MGAM2: variants seen among roughly 807,000 people sequenced by gnomAD.
The protein encoded by MGAM2 is maltase-glucoamylase 2 (putative).
A neutral mutation model predicts 96.1 loss-of-function variants in MGAM2; 98 were observed. The ratio of observed to expected loss-of-function variants is 1.02; its 90% confidence interval spans 0.87 to 1.21. The LOEUF is 1.21. Among genes scored for constraint, MGAM2 ranks in the 50% most tolerant of loss-of-function variants. The pLI, the probability that MGAM2 is intolerant of heterozygous loss-of-function variation, is 0.00. For missense variants in MGAM2, 2,055 were observed against 1,182.4 expected (o/e 1.74, Z -10.82); for synonymous variants, 749 against 414.8 (o/e 1.81, Z -9.79).
At chr7:142,136,243 A>G (rs1283758302) in intron 7 of MGAM2, among the ~76,000 whole-genome samples, 1 of 152,090 alleles carries the variant, frequency 6.6e-6, no homozygotes, top group Non-Finnish European at 1.5e-5. Flanking sequence ...ATCATACAAT[A>G]TATGGTTGTT....
chr7:142,132,595 T>A (rs1794926345), intron 6 of MGAM2, among the ~76,000 whole-genome samples: 1 of 129,144 alleles, frequency 7.7e-6, no homozygotes, highest in Admixed American at 8.1e-5. Flanking sequence ...AACTATATAA[T>A]TTATATATTT....
intron 26 of MGAM2, among the ~76,000 whole-genome samples, chr7:142,167,699 A>G (rs1796070479): frequency 6.6e-6 from 1 of 152,074 alleles, no homozygotes; most frequent in African/African-American, 2.4e-5. Context: ...CAGCCTCCCA[A>G]GTAGCCAGGA....
intron 2 of MGAM2, among the ~76,000 whole-genome samples, chr7:142,119,752 A>G (rs922823839): frequency 2.0e-5 from 3 of 152,246 alleles, no homozygotes; most frequent in Non-Finnish European, 2.9e-5. Flanking sequence ...ACATACTACA[A>G]CATGGATTAA....
chr7:142,195,955 T>G (rs997333823), intron 37 of MGAM2, among the ~76,000 whole-genome samples, 199 bp from the exon 38 acceptor site: 5 of 152,286 alleles, frequency 3.3e-5, no homozygotes, highest in Admixed American at 3.3e-4. Context: ...AAACCCACAT[T>G]CTACGTGCAG....
intron 45 of MGAM2, among the ~76,000 whole-genome samples, chr7:142,206,965 C>T (rs1243431938): frequency 1.3e-5 from 2 of 152,108 alleles, no homozygotes; most frequent in Non-Finnish European, 2.9e-5. Flanking sequence ...AGTGTTTGCC[C>T]AGGTTGCATT....
At chr7:142,147,912 CAG>C (rs1795437164) in intron 15 of MGAM2, among the ~76,000 whole-genome samples, 1 of 151,834 alleles carries the variant, frequency 6.6e-6, no homozygotes, top group Non-Finnish European at 1.5e-5. Context: ...AATAAAAATA[CAG>C]GACACCAAAT....
intron 1 of MGAM2, 92 bp downstream of exon 1, chr7:142,111,899 G>A (rs1046043075): frequency 6.6e-6 from 1 of 152,250 alleles, no homozygotes; most frequent in South Asian, 2.1e-4. Flanking sequence ...GCTCTGTTAA[G>A]TGATCTGGAT....
intron 17 of MGAM2, among the ~76,000 whole-genome samples, chr7:142,156,826 A>T (rs1795750170): frequency 6.6e-6 from 1 of 152,018 alleles, no homozygotes. Context: ...GCAGTATAGG[A>T]TGACAAGTCA....
chr7:142,173,446 A>G, intron 31 of MGAM2, 92 bp downstream of exon 31: 2 of 639,788 alleles, frequency 3.1e-6, no homozygotes, highest in South Asian at 1.8e-5. Context: ...CTTATCAAAG[A>G]TAACTTGATA....
At position 142,142,524 on chromosome 7, in the gene MGAM2, G is replaced by GTTTTTTTTTTTT. The variant is rs746342532; in HGVS notation, c.1318-1232_1318-1221dup. Among the ~76,000 whole-genome samples the GTTTTTTTTTTTT allele has an allele frequency of 5.1e-4, 40 of 78,908 alleles. 3 individuals are homozygous for GTTTTTTTTTTTT. Among genetic ancestry groups the GTTTTTTTTTTTT allele is most frequent in the Non-Finnish European group, 7.6e-4 (32 of 42,052 alleles). 51.8% of individuals were successfully genotyped at this position (78,908 alleles called of 152,430 possible). On this transcript the variant is annotated intron_variant, in intron 12 of 47. Transcript: ENST00000477922. Reference sequence around the variant, plus strand: ...GTAGTGGAGGTGCATAGTGGTGTGTGTTTTTTTTTTTTTTTTTTTTTTTTG... The same window carrying GTTTTTTTTTTTT: ...GTAGTGGAGGTGCATAGTGGTGTGTGTTTTTTTTTTTTTTTTTTTTTTTTTTTTTTTTTTTTG...
At chr7:142,125,465 C>T (rs773567029) in intron 3 of MGAM2, among the ~76,000 whole-genome samples, 1 of 151,826 alleles carries the variant, frequency 6.6e-6, no homozygotes, top group African/African-American at 2.4e-5. Context: ...TTAGACTGAC[C>T]CCAGTTTCAG....
At chr7:142,191,132 C>T (rs927273711) in intron 37 of MGAM2, among the ~76,000 whole-genome samples, 1 of 59,706 alleles carries the variant, frequency 1.7e-5, no homozygotes, top group African/African-American at 1.4e-4. Context: ...ACTATCTCTA[C>T]AGAAAAAAAA....
intron 12 of MGAM2, among the ~76,000 whole-genome samples, chr7:142,142,522 G>GTTTTTTTTT (rs1795259012): frequency 9.2e-6 from 1 of 108,228 alleles, no homozygotes; most frequent in Non-Finnish European, 2.0e-5. Flanking sequence ...ATAGTGGTGT[G>GTTTTTTTTT]TGTTTTTTTT....
rs1817304498 is a variant in MGAM2 at position 142,114,216 on chromosome 7, G to GAGAAAGAAAGAAAGAGAGAA, written c.-1+2424_-1+2425insGAGAAAGAAAGAAAGAAAGA. On this transcript the variant is annotated intron_variant, in intron 1 of 47. Coordinates refer to ENST00000477922, the MANE Select transcript of MGAM2 (RefSeq NM_001293626.2). ...AAAGAAAGAAAGAAAGAAAGAAAGAGAGAAAGAAAGAAAGAAATAGGAGAC... is the reference window on the plus strand; with the variant it reads ...AAAGAAAGAAAGAAAGAAAGAAAGAGAGAAAGAAAGAAAGAGAGAAAGAAAGAAAGAAAGAAATAGGAGAC... Among the ~76,000 whole-genome samples, 2 of 68,038 alleles carry GAGAAAGAAAGAAAGAGAGAA rather than the reference G, an allele frequency of 2.9e-5. 1 individual carries two copies. The highest frequency in any genetic ancestry group is 3.3e-4 in the Admixed American group (2 of 6,152). The allele number at this position is 68,038 out of a possible 152,430, so 44.6% of individuals were successfully genotyped here.
At chr7:142,132,980 T>G (rs1794945183) in intron 6 of MGAM2, among the ~76,000 whole-genome samples, 1 of 131,666 alleles carries the variant, frequency 7.6e-6, no homozygotes, top group East Asian at 2.2e-4. Flanking sequence ...ATATTTAACA[T>G]ATATTTAATA....
rs139623810 is a variant in MGAM2 at position 142,194,379 on chromosome 7, A to T, written c.4347-1775A>T. On this transcript the variant is annotated intron_variant, in intron 37 of 47. Transcript: ENST00000477922. ...TGAAAGGAACCAAGTTTAACTAGTC[A>T]TTAGGTCATCCTAGATTCTCTTTCT... 8.7e-3 allele frequency among the ~76,000 whole-genome samples: 1,320 copies of T among 152,208 alleles called. 9 individuals carry two copies. The highest frequency in any genetic ancestry group is 0.016 in the Admixed American group (244 of 15,276).
Position 142,167,345 on chromosome 7 carries a change from G to A in MGAM2, c.2886G>A (p.Leu962=). The change falls in exon 26 of 48, where the codon CTG becomes CTA. Residue 962 remains leucine (L), a synonymous_variant. Transcript: ENST00000477922. ...PNYVASDIQY[L]NTSITADLSL... The stretch of plus-strand genomic sequence containing the variant: ...ATGTTGCTAGTGATATTCAGTACCT[G>A]AACACCAGCATCACTGCAGACCTTT... 1.4e-6 allele frequency: 1 copy of A among 702,864 alleles called. No individual in the cohort carries two copies. Among genetic ancestry groups the A allele is most frequent in the Non-Finnish European group, 2.6e-6 (1 of 384,974 alleles). The allele number at this position is 702,864 out of a possible 1,614,324, so 43.5% of individuals were successfully genotyped here.
intron 4 of MGAM2, 69 bp from the exon 5 acceptor site, chr7:142,131,449 A>C (rs531518021): frequency 3.0e-6 from 2 of 677,600 alleles, no homozygotes; most frequent in African/African-American, 3.6e-5. Context: ...AACAAAAACA[A>C]AAACAAAACA....
chr7:142,140,334 C>CT (rs1427977173), intron 10 of MGAM2, among the ~76,000 whole-genome samples: 1 of 152,138 alleles, frequency 6.6e-6, no homozygotes, highest in Non-Finnish European at 1.5e-5. Flanking sequence ...AAGGCTTTAT[C>CT]TTTTTGTCAT....
Sources: gnomAD v4.1 joint callset for allele counts (sites outside exome capture counted in the v4.1 genomes callset) on GRCh38, gnomAD v4.1.1 for gene constraint, MANE v1.5 for transcripts, NCBI Gene and HGNC (gene_info 2026-07-23, HGNC 2026-07-21) for gene names.